KCNK2: variants seen among roughly 807,000 people sequenced by gnomAD.
KCNK2 encodes potassium channel subfamily K member 2.
A neutral mutation model predicts 40.5 loss-of-function variants in KCNK2; 21 were observed. The observed-to-expected ratio is 0.52, with a 90% CI of 0.37 to 0.75. The LOEUF (loss-of-function observed/expected upper bound fraction) is 0.75, where lower values mean the gene tolerates loss of function less well. KCNK2 is among the 30% of genes least tolerant of loss of function. KCNK2 has a pLI of 0.00. For synonymous variants in KCNK2, 191 were observed against 202.2 expected, an observed-to-expected ratio of 0.94 and a Z score of 0.47; for missense variants, 399 against 531.6, an observed-to-expected ratio of 0.75 and a Z score of 2.45.
intron 1 of KCNK2, among the ~76,000 whole-genome samples, chr1:215,075,489 G>A (rs111705552): frequency 6.6e-6 from 1 of 152,184 alleles, no homozygotes; most frequent in African/African-American, 2.4e-5. Flanking sequence ...TTTACTCCAT[G>A]ATGACGAGGA....
intron 1 of KCNK2, among the ~76,000 whole-genome samples, chr1:215,070,118 A>G (rs1470023785): frequency 6.6e-6 from 1 of 152,058 alleles, no homozygotes; most frequent in African/African-American, 2.4e-5. Flanking sequence ...TTTATATAGG[A>G]AACAGGTTTA....
rs754648713 is a variant in KCNK2 at position 215,011,760 on chromosome 1, C to CA, written c.34+5806dup. ...AGCTGGGACTACAGGCGCGTGCTAC[C>CA]ACGCCCAGCTATATTTTTTGTATTT... On this transcript the variant is annotated intron_variant, in intron 1 of 6. Transcript: ENST00000391895. Among the ~76,000 whole-genome samples, 62 of 152,026 alleles carry CA rather than the reference C, an allele frequency of 4.1e-4. 1 individual carries two copies. Among genetic ancestry groups the CA allele is most frequent in the Non-Finnish European group, 2.2e-4 (15 of 68,016 alleles).
chr1:215,064,002 A>G (rs903991032), intron 1 of KCNK2, among the ~76,000 whole-genome samples: 1 of 152,210 alleles, frequency 6.6e-6, no homozygotes, highest in Admixed American at 6.5e-5. Flanking sequence ...AAATCGCTTG[A>G]GTAGAGTTTA....
intron 5 of KCNK2, among the ~76,000 whole-genome samples, chr1:215,185,908 A>G (rs1371592357): frequency 6.6e-6 from 1 of 152,242 alleles, no homozygotes; most frequent in Non-Finnish European, 1.5e-5. Flanking sequence ...GTATTCTTCA[A>G]ACTGTGGTGT....
rs1045226858 is a variant in KCNK2, at chr1:215,167,512, C to A, written c.476-1687C>A. On this transcript the variant is annotated intron_variant, in intron 3 of 6. Transcript: ENST00000444842. ...CCCAAGCATATATGTGTAGACAGTGCTTCTGCTATTAAAAGTAAATGAAGT... is the reference window on the plus strand; with the variant it reads ...CCCAAGCATATATGTGTAGACAGTGATTCTGCTATTAAAAGTAAATGAAGT... Among the ~76,000 whole-genome samples, 13 of 152,170 alleles carry A rather than the reference C, an allele frequency of 8.5e-5. No homozygotes were observed. The East Asian group carries it at 2.5e-3, about 30-fold the overall frequency.
chr1:215,103,492 T>C lies in KCNK2; in HGVS notation c.357+16814T>C, dbSNP rs150699583. 1.8e-3 allele frequency among the ~76,000 whole-genome samples: 273 copies of C among 152,212 alleles called. 1 individual carries two copies. The highest frequency in any genetic ancestry group is 6.1e-3 in the African/African-American group (254 of 41,572). On this transcript the variant is annotated intron_variant, in intron 2 of 6. Transcript: ENST00000444842. ...AAATGACTATGTAATTATTTTATTC[T>C]TAATAAATATAGGCTTCCTATTTTC...
At chr1:215,046,752 A>C (rs1417683479) in intron 1 of KCNK2, among the ~76,000 whole-genome samples, 1 of 152,130 alleles carries the variant, frequency 6.6e-6, no homozygotes, top group Non-Finnish European at 1.5e-5. Context: ...AATTACATCA[A>C]AAGATATATT....
chr1:215,161,598 C>A (rs956229511), intron 3 of KCNK2, among the ~76,000 whole-genome samples: 1 of 151,058 alleles, frequency 6.6e-6, no homozygotes, highest in Middle Eastern at 3.4e-3. Flanking sequence ...CCCCGACAGG[C>A]CCCAGTGTGT....
intron 1 of KCNK2, among the ~76,000 whole-genome samples, chr1:215,012,579 CT>C (rs2102471472): frequency 6.6e-6 from 1 of 151,474 alleles, no homozygotes; most frequent in East Asian, 1.9e-4. Flanking sequence ...TCAAGTGATC[CT>C]CCTGCCTCAG....
chr1:215,090,122 C>G (rs1405816016), intron 2 of KCNK2, among the ~76,000 whole-genome samples: 1 of 152,002 alleles, frequency 6.6e-6, no homozygotes, highest in African/African-American at 2.4e-5. Context: ...CACTGCACCC[C>G]GCCTGTTTAA....
chr1:215,097,194 A>T (rs1352273281), intron 2 of KCNK2, among the ~76,000 whole-genome samples: 1 of 152,026 alleles, frequency 6.6e-6, no homozygotes, highest in African/African-American at 2.4e-5. Flanking sequence ...TGTCTGGACT[A>T]AAAGTATGAT....
In KCNK2 at chr1:215,226,395, G is replaced by A. The variant is rs572888899; in HGVS notation, c.964-8433G>A. On this transcript the variant is annotated intron_variant, in intron 6 of 6. Coordinates refer to ENST00000444842, the MANE Select transcript of KCNK2 (RefSeq NM_001017425.3). ...AGCTGGAGCGCAGTGGCGTGATCTC[G>A]GCTCACTGTAACCTCCGCCTCCCGG... 9.2e-5 allele frequency among the ~76,000 whole-genome samples: 14 copies of A among 152,196 alleles called. No homozygotes were observed. The South Asian group carries it at 1.9e-3, about 20-fold the overall frequency.
chr1:215,007,013 A>G (rs1182112703), intron 1 of KCNK2, among the ~76,000 whole-genome samples: 1,098 of 18,974 alleles, frequency 0.058, 54 homozygotes, highest in African/African-American at 0.095. Context: ...ATATATATAT[A>G]TATATATATA....
chr1:215,232,875 C>T (rs936049915), intron 6 of KCNK2, among the ~76,000 whole-genome samples: 2 of 152,002 alleles, frequency 1.3e-5, no homozygotes, highest in African/African-American at 4.8e-5. Flanking sequence ...GACTGTGCCC[C>T]AAGACTTGAG....
chr1:215,026,321 G>A (rs947305089), intron 1 of KCNK2, among the ~76,000 whole-genome samples: 1 of 151,886 alleles, frequency 6.6e-6, no homozygotes, highest in Admixed American at 6.6e-5. Flanking sequence ...TTTATTAATA[G>A]TATCTTCTGC....
intron 1 of KCNK2, among the ~76,000 whole-genome samples, chr1:215,022,461 C>CAT (rs1558059817): frequency 6.6e-6 from 1 of 151,796 alleles, no homozygotes; most frequent in East Asian, 1.9e-4. Flanking sequence ...AAACAAGAGA[C>CAT]GTGTGTGGCT....
rs1170444687 is a variant in KCNK2 at position 215,086,335 on chromosome 1, T to G, written c.47-33T>G. 2.5e-6 allele frequency: 4 copies of G among 1,577,918 alleles called. No individual in the cohort carries two copies. The Admixed American group carries it at 6.7e-5, about 26-fold the overall frequency. On this transcript the variant is annotated intron_variant, in intron 1 of 6. Transcript: ENST00000444842. Reference sequence around the variant, plus strand: ...CCCGACCAATTCCCTTCTCATCTCCTCCAACCTAACCCTCATTCTCTGTTG... The same window carrying G: ...CCCGACCAATTCCCTTCTCATCTCCGCCAACCTAACCCTCATTCTCTGTTG...
intron 2 of KCNK2, among the ~76,000 whole-genome samples, chr1:215,089,468 C>A (rs1016386373): frequency 6.6e-6 from 1 of 152,106 alleles, no homozygotes; most frequent in Non-Finnish European, 1.5e-5. Context: ...TTAGTCTAAT[C>A]TGGTCTCAGG....
rs892827081 is a variant in KCNK2 at position 215,207,775 on chromosome 1, T to A, written c.963+12683T>A. On this transcript the variant is annotated intron_variant, in intron 6 of 6. Coordinates refer to ENST00000444842, the MANE Select transcript of KCNK2 (RefSeq NM_001017425.3). Reference sequence around the variant, plus strand: ...CAACACAAGCATATGGAAAAAAAGTTAAACACTGATCATTAGAGAAATGCA... The same window carrying A: ...CAACACAAGCATATGGAAAAAAAGTAAAACACTGATCATTAGAGAAATGCA... 5.5e-4 allele frequency among the ~76,000 whole-genome samples: 84 copies of A among 152,286 alleles called. 1 individual carries two copies. Among genetic ancestry groups the A allele is most frequent in the African/African-American group, 2.0e-3 (83 of 41,562 alleles).
Sources: allele counts gnomAD v4.1 joint callset (sites outside exome capture counted in the v4.1 genomes callset), GRCh38; gene constraint gnomAD v4.1.1; transcripts MANE v1.5; gene names NCBI Gene and HGNC (gene_info 2026-07-23, HGNC 2026-07-21).